ZNG1B: variants seen among roughly 807,000 people sequenced by gnomAD.
The protein encoded by ZNG1B is Zn regulated GTPase metalloprotein activator 1B, also known as zinc-regulated GTPase metalloprotein activator 1B.
At chr2:113,443,033 G>C in the ZNG1B span, among the ~76,000 whole-genome samples, 1 of 150,808 alleles carries the variant, frequency 6.6e-6, no homozygotes, top group Non-Finnish European at 1.5e-5. Flanking sequence ...CAGTGGCACA[G>C]TCTCGGGTCA....
the ZNG1B span, among the ~76,000 whole-genome samples, chr2:113,488,549 A>G: frequency 1.3e-5 from 2 of 151,936 alleles, 1 homozygote; most frequent in Admixed American, 1.3e-4. Context: ...AGAATTCACT[A>G]GGTTGGTTAT....
chr2:113,444,146 T>A, the ZNG1B span: 5 of 441,772 alleles, frequency 1.1e-5, no homozygotes, highest in Non-Finnish European at 2.1e-5. Flanking sequence ...TAAAAAATGA[T>A]TATTCTGAAT....
chr2:113,437,702 C>G, the ZNG1B span: 2 of 1,500,888 alleles, frequency 1.3e-6, no homozygotes, highest in Non-Finnish European at 1.8e-6. Context: ...AGGGACGAGG[C>G]GCTTCTCGTC....
chr2:113,454,649 GGTTA>G, the ZNG1B span: 55 of 1,255,846 alleles, frequency 4.4e-5, no homozygotes, highest in East Asian at 1.4e-3. Context: ...AACTGAAATA[GGTTA>G]GTTTTAATTT....
the ZNG1B span, chr2:113,470,981 G>C: frequency 1.3e-6 from 2 of 1,581,556 alleles, no homozygotes; most frequent in Non-Finnish European, 1.7e-6. Flanking sequence ...TTGATTAATT[G>C]GATGTATTTC....
At chr2:113,456,275 A>G in the ZNG1B span, among the ~76,000 whole-genome samples, 2 of 152,218 alleles carry the variant, frequency 1.3e-5, no homozygotes. Context: ...AGTTTCACGC[A>G]GAAAAATTCC....
the ZNG1B span, among the ~76,000 whole-genome samples, chr2:113,450,721 G>GTAA: frequency 6.8e-6 from 1 of 146,860 alleles, no homozygotes; most frequent in African/African-American, 2.6e-5. Context: ...TTGTCAGGCT[G>GTAA]TAATACATAT....
the ZNG1B span, among the ~76,000 whole-genome samples, chr2:113,463,100 A>G: frequency 6.6e-6 from 1 of 151,520 alleles, no homozygotes; most frequent in African/African-American, 2.4e-5. Flanking sequence ...TGATCAGCAT[A>G]GGACAATCAG....
the ZNG1B span, among the ~76,000 whole-genome samples, chr2:113,456,213 A>T: frequency 3.3e-5 from 5 of 152,120 alleles, no homozygotes; most frequent in South Asian, 2.1e-4. Context: ...TCAATTTATG[A>T]ATTTATGAAT....
the ZNG1B span, chr2:113,438,143 G>A: frequency 5.0e-6 from 8 of 1,602,044 alleles, no homozygotes; most frequent in East Asian, 1.8e-4. Flanking sequence ...TGTCTTCGAG[G>A]TAGGGGCTGG....
At chr2:113,461,647 T>C in the ZNG1B span, among the ~76,000 whole-genome samples, 3 of 151,668 alleles carry the variant, frequency 2.0e-5, no homozygotes, top group Admixed American at 1.3e-4. Flanking sequence ...TTCTGATTAT[T>C]ATCATCTACT....
At chr2:113,475,620 G>T in the ZNG1B span, among the ~76,000 whole-genome samples, 1 of 151,880 alleles carries the variant, frequency 6.6e-6, no homozygotes, top group Admixed American at 6.6e-5. Context: ...TTCTGCAGTG[G>T]CTGGTACCGG....
the ZNG1B span, chr2:113,455,570 A>G: frequency 2.3e-6 from 3 of 1,286,436 alleles, no homozygotes; most frequent in Non-Finnish European, 3.0e-6. Context: ...AATACCACTA[A>G]AGGCAGAAGA....
chr2:113,464,619 A>G, the ZNG1B span, among the ~76,000 whole-genome samples: 150 of 151,438 alleles, frequency 9.9e-4, no homozygotes, highest in Middle Eastern at 3.4e-3. Context: ...AGGTTATTCT[A>G]TAAAGGAACC....
chr2:113,475,343 T>C, the ZNG1B span, among the ~76,000 whole-genome samples: 4 of 152,190 alleles, frequency 2.6e-5, no homozygotes, highest in South Asian at 8.3e-4. Flanking sequence ...ATTTGCTTAG[T>C]AGATTTTCCT....
At chr2:113,484,552 G>T in the ZNG1B span, among the ~76,000 whole-genome samples, 1 of 152,208 alleles carries the variant, frequency 6.6e-6, no homozygotes, top group South Asian at 2.1e-4. Flanking sequence ...ATAGTTTTTT[G>T]TTTGTTTGTT....
At chr2:113,492,101 G>A in the ZNG1B span, among the ~76,000 whole-genome samples, 2 of 139,130 alleles carry the variant, frequency 1.4e-5, no homozygotes, top group African/African-American at 5.2e-5. Flanking sequence ...AGAACTAAAA[G>A]TAGAACTATC....
the ZNG1B span, among the ~76,000 whole-genome samples, chr2:113,457,702 A>G: frequency 7.0e-6 from 1 of 142,964 alleles, no homozygotes; most frequent in South Asian, 2.3e-4. Context: ...TGTGAATTAC[A>G]TTATAAAACA....
chr2:113,474,075 CT>C, the ZNG1B span, among the ~76,000 whole-genome samples: 1 of 151,856 alleles, frequency 6.6e-6, no homozygotes, highest in East Asian at 1.9e-4. Flanking sequence ...CCAGTTCCTC[CT>C]TGTACCTCTG....
Sources: gnomAD v4.1 joint callset for allele counts (sites outside exome capture counted in the v4.1 genomes callset) on GRCh38, gnomAD v4.1.1 for gene constraint, MANE v1.5 for transcripts, NCBI Gene and HGNC (gene_info 2026-07-23, HGNC 2026-07-21) for gene names.